ICA1: variants seen among roughly 807,000 people sequenced by gnomAD.
ICA1 encodes the protein 69 kDa islet cell autoantigen.
A neutral mutation model predicts 71.0 loss-of-function variants in ICA1; 40 were observed. That is an observed-to-expected ratio of 0.56 (90% CI 0.44 to 0.73). The LOEUF is 0.73. Among genes scored for constraint, ICA1 ranks in the 30% least tolerant of loss-of-function variants. The pLI, the probability that ICA1 is intolerant of heterozygous loss-of-function variation, is 0.00. For synonymous variants in ICA1, 207 were observed against 209.5 expected (o/e 0.99, Z 0.10); for missense variants, 578 against 576.5 (o/e 1.00, Z -0.03).
intron 12 of ICA1, among the ~76,000 whole-genome samples, chr7:8,134,602 T>C (rs1397553555): frequency 6.6e-6 from 1 of 152,000 alleles, no homozygotes; most frequent in East Asian, 1.9e-4. Flanking sequence ...GCAGTACAGA[T>C]GAAAAACCCC....
chr7:8,153,459 G>C (rs994343883), intron 8 of ICA1, among the ~76,000 whole-genome samples: 3 of 152,112 alleles, frequency 2.0e-5, no homozygotes, highest in African/African-American at 7.2e-5. Context: ...TAATATATGT[G>C]AGATTTTCCA....
chr7:8,188,849 G>A lies in ICA1; in HGVS notation c.579+29456C>T, dbSNP rs1055228109. 3.9e-5 allele frequency among the ~76,000 whole-genome samples: 6 copies of A among 152,132 alleles called. No individual in the cohort carries two copies. The South Asian group carries it at 1.2e-3, about 32-fold the overall frequency. On this transcript the variant is annotated intron_variant, in intron 6 of 13. Coordinates refer to ENST00000402384, the MANE Select transcript of ICA1 (RefSeq NM_001136020.3). ...AGGAATCAAGACTATGGTTTGGTGGGAGCATCCCTGTATTCTATCTTTCAG... is the reference window on the plus strand; with the variant it reads ...AGGAATCAAGACTATGGTTTGGTGGAAGCATCCCTGTATTCTATCTTTCAG...
chr7:8,116,744 C>T (rs910260100), intron 13 of ICA1, among the ~76,000 whole-genome samples: 3 of 152,210 alleles, frequency 2.0e-5, no homozygotes, highest in East Asian at 1.9e-4. Flanking sequence ...AGTAACTGCA[C>T]ATCTTCTCGA....
At chr7:8,181,927 G>A (rs776169108) in intron 6 of ICA1, among the ~76,000 whole-genome samples, 1 of 152,104 alleles carries the variant, frequency 6.6e-6, no homozygotes, top group East Asian at 1.9e-4. Context: ...CTGAGCATAC[G>A]TTATTACTGG....
intron 6 of ICA1, among the ~76,000 whole-genome samples, chr7:8,200,289 A>C (rs1789120077): frequency 7.0e-6 from 1 of 143,522 alleles, no homozygotes; most frequent in Non-Finnish European, 1.5e-5. Context: ...GGGATGACAG[A>C]AGTAATTAGG....
At chr7:8,174,996 A>G (rs1026979463) in intron 6 of ICA1, among the ~76,000 whole-genome samples, 1 of 152,176 alleles carries the variant, frequency 6.6e-6, no homozygotes, top group Non-Finnish European at 1.5e-5. Context: ...GTGGTTAAAC[A>G]GGGCCTTGGA....
intron 8 of ICA1, among the ~76,000 whole-genome samples, chr7:8,152,796 T>TCCTCCACCATCA (rs1799780610): frequency 3.0e-4 from 15 of 49,636 alleles, no homozygotes; most frequent in Non-Finnish European, 3.7e-4. Flanking sequence ...CACCATCACC[T>TCCTCCACCATCA]CCACCACCAC....
intron 10 of ICA1, among the ~76,000 whole-genome samples, chr7:8,139,780 T>C (rs1166785534): frequency 6.6e-6 from 1 of 152,224 alleles, no homozygotes; most frequent in Admixed American, 6.5e-5. Flanking sequence ...AAGGAATCTA[T>C]GAGAAATCTC....
chr7:8,152,568 AC>A (rs1799255959), intron 8 of ICA1, among the ~76,000 whole-genome samples: 3 of 146,456 alleles, frequency 2.0e-5, no homozygotes, highest in Non-Finnish European at 4.5e-5. Flanking sequence ...CACCACCACC[AC>A]CACCACCATC....
In ICA1 at chr7:8,165,074, C is replaced by T. The variant is rs1035615744; in HGVS notation, c.580-6422G>A. On this transcript the variant is annotated intron_variant, in intron 6 of 13. Coordinates refer to ENST00000402384, the MANE Select transcript of ICA1 (RefSeq NM_001136020.3). ...AAGCAGCCTGGGTGACAGTAAGACCCTGTCTCAAAAACAAACAAACAAACA... is the reference window on the plus strand; with the variant it reads ...AAGCAGCCTGGGTGACAGTAAGACCTTGTCTCAAAAACAAACAAACAAACA... 3.9e-5 allele frequency among the ~76,000 whole-genome samples: 6 copies of T among 152,232 alleles called. 1 individual carries two copies. In the South Asian group the frequency reaches 1.2e-3, roughly 32 times the overall value.
At chr7:8,189,967 T>C (rs964409617) in intron 6 of ICA1, among the ~76,000 whole-genome samples, 1 of 152,222 alleles carries the variant, frequency 6.6e-6, no homozygotes, top group African/African-American at 2.4e-5. Flanking sequence ...TCTTTATTCG[T>C]AATGAAGTAA....
chr7:8,120,285 T>G (rs990356054), intron 13 of ICA1, among the ~76,000 whole-genome samples: 4 of 152,174 alleles, frequency 2.6e-5, no homozygotes, highest in Admixed American at 1.3e-4. Context: ...CATGAAGAGA[T>G]AAAATAGTAT....
chr7:8,194,985 G>C (rs566284413), intron 6 of ICA1, among the ~76,000 whole-genome samples: 1 of 152,182 alleles, frequency 6.6e-6, no homozygotes, highest in Non-Finnish European at 1.5e-5. Flanking sequence ...TATGATAAAG[G>C]ACATGCTATT....
chr7:8,125,022 C>T (rs928565626), intron 13 of ICA1, among the ~76,000 whole-genome samples: 2 of 152,158 alleles, frequency 1.3e-5, no homozygotes, highest in Non-Finnish European at 2.9e-5. Context: ...CTCCTGACCT[C>T]AAGCCATCTG....
intron 1 of ICA1, among the ~76,000 whole-genome samples, chr7:8,245,399 G>A (rs1162999895): frequency 7.7e-6 from 1 of 130,520 alleles, no homozygotes; most frequent in Non-Finnish European, 1.6e-5. Flanking sequence ...TCACACACTG[G>A]GGCCTGTTGT....
At chr7:8,225,080 T>C (rs1798209618) in intron 4 of ICA1, among the ~76,000 whole-genome samples, 1 of 152,184 alleles carries the variant, frequency 6.6e-6, no homozygotes, top group African/African-American at 2.4e-5. Context: ...TCATTACAGA[T>C]CTTCGGGGGA....
chr7:8,252,019 A>C (rs1808363036), intron 1 of ICA1, among the ~76,000 whole-genome samples: 1 of 152,210 alleles, frequency 6.6e-6, no homozygotes, highest in Non-Finnish European at 1.5e-5. Flanking sequence ...ACCTAAAAGA[A>C]ATCTAGAAAG....
intron 8 of ICA1, among the ~76,000 whole-genome samples, chr7:8,149,263 A>T (rs919190010): frequency 6.6e-6 from 1 of 152,248 alleles, no homozygotes; most frequent in Non-Finnish European, 1.5e-5. Flanking sequence ...TCAGTCTCTC[A>T]TTAAAATTGC....
intron 6 of ICA1, among the ~76,000 whole-genome samples, chr7:8,190,371 G>A (rs140337926): frequency 2.0e-5 from 3 of 152,072 alleles, no homozygotes; most frequent in Non-Finnish European, 2.9e-5. Context: ...TGCCTCCTCA[G>A]AGAGGCAGAA....
Sources: gnomAD v4.1 joint callset for allele counts (sites outside exome capture counted in the v4.1 genomes callset) on GRCh38, gnomAD v4.1.1 for gene constraint, MANE v1.5 for transcripts, NCBI Gene and HGNC (gene_info 2026-07-23, HGNC 2026-07-21) for gene names.